MGAT4C: variants seen among roughly 807,000 people sequenced by gnomAD.
MGAT4C encodes the protein MGAT4 family member C.
Under a neutral mutation model 40.1 loss-of-function variants are expected in MGAT4C, and 19 were observed. The ratio of observed to expected loss-of-function variants is 0.47; its 90% CI spans 0.33 to 0.70. The LOEUF is 0.70. Among genes scored for constraint, MGAT4C ranks in the 30% least tolerant of loss-of-function variants. MGAT4C has a pLI of 0.02. For synonymous variants in MGAT4C, 181 were observed against 187.1 expected, an observed-to-expected ratio of 0.97 and a Z score of 0.27; for missense variants, 491 against 563.2, an observed-to-expected ratio of 0.87 and a Z score of 1.30.
At chr12:86,476,358 G>GAGAA (rs1406550264) in intron 2 of MGAT4C, among the ~76,000 whole-genome samples, 2 of 152,004 alleles carry the variant, frequency 1.3e-5, no homozygotes, top group Non-Finnish European at 2.9e-5. Context: ...CTAATCATCA[G>GAGAA]AGAAATGCAA....
At position 85,979,936 on chromosome 12, in the gene MGAT4C, A is replaced by G; in HGVS notation, c.790T>C (p.Tyr264His). The change falls in exon 5 of 5, where the codon TAT (tyrosine) becomes CAT (histidine). Residue 264 changes from tyrosine (Y) to histidine (H), a missense_variant. Transcript: ENST00000611864. ...AAACGTGGGAGATCATGAGAATGAT[A>G]GAGTTTACCAATGTAGCCAAGCTTA... ...FSKLGYIGKLYHSHDLPRLAH... is the reference protein window; with the variant it reads ...FSKLGYIGKLHHSHDLPRLAH... The G allele has an allele frequency of 6.2e-7, 1 of 1,613,892 alleles. No homozygotes were observed.
At chr12:86,246,821 C>A (rs1401995930) in intron 1 of MGAT4C, among the ~76,000 whole-genome samples, 1 of 152,200 alleles carries the variant, frequency 6.6e-6, no homozygotes, top group African/African-American at 2.4e-5. Context: ...TCCTGCTGGA[C>A]TCCTTGCTAT....
intron 4 of MGAT4C, among the ~76,000 whole-genome samples, chr12:86,323,727 A>T (rs977165260): frequency 6.6e-6 from 1 of 151,952 alleles, no homozygotes. Context: ...ATTATTTTAA[A>T]ATAACTTTAT....
intron 2 of MGAT4C, among the ~76,000 whole-genome samples, chr12:86,530,972 C>G (rs1217932799): frequency 6.6e-6 from 1 of 151,986 alleles, no homozygotes; most frequent in Non-Finnish European, 1.5e-5. Context: ...TGTAAATTTT[C>G]AGTCTTTCAA....
At chr12:86,147,273 G>A (rs559945530) in intron 1 of MGAT4C, among the ~76,000 whole-genome samples, 6 of 151,572 alleles carry the variant, frequency 4.0e-5, no homozygotes, top group Admixed American at 3.3e-4. Context: ...ACGTAGTCTC[G>A]CTCTGTCGCC....
In MGAT4C at chr12:86,276,723, A is replaced by T. The variant is rs1384241981; in HGVS notation, c.-57+57342T>A. Among the ~76,000 whole-genome samples, 8 of 152,264 alleles carry T rather than the reference A, an allele frequency of 5.3e-5. No homozygotes were observed. In the East Asian group the frequency reaches 1.5e-3, roughly 29 times the overall value. ...TTTCTGGCTTATTTCACTTAACATA[A>T]TGACCTCCAGTTCCATCCATGCCGT... On this transcript the variant is annotated intron_variant, in intron 4 of 7. Transcript: ENST00000548651.
chr12:86,511,152 C>T (rs1244043684), intron 2 of MGAT4C, among the ~76,000 whole-genome samples: 1 of 151,890 alleles, frequency 6.6e-6, no homozygotes, highest in Admixed American at 6.6e-5. Context: ...TCTCAGACCA[C>T]AGTGCAATCA....
chr12:86,462,248 T>A (rs1445054644), intron 2 of MGAT4C, among the ~76,000 whole-genome samples: 3 of 152,218 alleles, frequency 2.0e-5, no homozygotes, highest in Non-Finnish European at 4.4e-5. Context: ...AATTTCCTGT[T>A]AGGATGTATC....
chr12:86,129,587 T>G, intron 1 of MGAT4C, among the ~76,000 whole-genome samples: 1 of 10,524 alleles, frequency 9.5e-5, no homozygotes. Flanking sequence ...TGAGACGGAG[T>G]CTCGCTCTGT....
At chr12:86,204,067 A>G (rs1331202591) in intron 1 of MGAT4C, among the ~76,000 whole-genome samples, 1 of 151,544 alleles carries the variant, frequency 6.6e-6, no homozygotes. Context: ...AATTTACTTC[A>G]AAGAGCCAAC....
chr12:86,590,323 C>G (rs1255295297), intron 2 of MGAT4C, among the ~76,000 whole-genome samples: 1 of 151,392 alleles, frequency 6.6e-6, no homozygotes, highest in Non-Finnish European at 1.5e-5. Context: ...GTTTTCATAC[C>G]TAAGTGTGTC....
intron 1 of MGAT4C, among the ~76,000 whole-genome samples, chr12:86,073,529 C>A (rs937824559): frequency 7.9e-5 from 12 of 152,102 alleles, no homozygotes; most frequent in African/African-American, 2.9e-4. Flanking sequence ...TGAATGGCGG[C>A]TTTGAACAAA....
chr12:86,777,082 A>G (rs1374631338), intron 1 of MGAT4C, among the ~76,000 whole-genome samples: 5 of 152,188 alleles, frequency 3.3e-5, no homozygotes, highest in East Asian at 1.9e-4. Flanking sequence ...AAAAAATTCA[A>G]TGGCAAATTG....
chr12:86,747,663 A>C (rs960163025), intron 1 of MGAT4C, among the ~76,000 whole-genome samples: 4 of 151,648 alleles, frequency 2.6e-5, no homozygotes, highest in African/African-American at 9.7e-5. Flanking sequence ...AATTGATAAC[A>C]GTTATAGAGC....
intron 3 of MGAT4C, among the ~76,000 whole-genome samples, chr12:86,354,748 G>A (rs1164088129): frequency 6.6e-6 from 1 of 152,168 alleles, no homozygotes; most frequent in Non-Finnish European, 1.5e-5. Context: ...TGTGGCTCAA[G>A]GCTGCAAGGT....
chr12:86,413,689 AT>A (rs1233502107), intron 3 of MGAT4C, among the ~76,000 whole-genome samples: 17 of 152,180 alleles, frequency 1.1e-4, no homozygotes, highest in Admixed American at 1.1e-3. Flanking sequence ...TTCGGGGGGA[AT>A]AAAGTAGAAT....
chr12:86,218,131 A>AT (rs1250431958), intron 1 of MGAT4C, among the ~76,000 whole-genome samples: 4 of 151,974 alleles, frequency 2.6e-5, no homozygotes, highest in African/African-American at 9.7e-5. Flanking sequence ...GGAAAAAAAA[A>AT]GATTTTGCAT....
intron 4 of MGAT4C, among the ~76,000 whole-genome samples, chr12:86,329,235 A>G (rs1337878519): frequency 1.3e-5 from 2 of 152,040 alleles, no homozygotes; most frequent in East Asian, 1.9e-4. Flanking sequence ...AACTTGCTCT[A>G]ATGCAACAAA....
chr12:85,983,484 T>G (rs199702032), intron 4 of MGAT4C, 39 bp downstream of exon 4: 1 of 1,457,246 alleles, frequency 6.9e-7, no homozygotes, highest in Non-Finnish European at 9.2e-7. Flanking sequence ...ATGCAAAATA[T>G]TTTATGTATT....
Sources: allele counts gnomAD v4.1 joint callset (sites outside exome capture counted in the v4.1 genomes callset), GRCh38; gene constraint gnomAD v4.1.1; transcripts MANE v1.5; gene names NCBI Gene and HGNC (gene_info 2026-07-23, HGNC 2026-07-21).